EYA3: variants seen among roughly 807,000 people sequenced by gnomAD.
EYA3 encodes protein phosphatase EYA3.
Under a neutral mutation model 80.0 loss-of-function variants are expected in EYA3, and 39 were observed. That is an observed-to-expected ratio of 0.49 (90% CI 0.38 to 0.64). The LOEUF (loss-of-function observed/expected upper bound fraction) is 0.64, where lower values mean the gene tolerates loss of function less well. Among genes scored for constraint, EYA3 ranks in the 30% least tolerant of loss-of-function variants. The pLI, the probability that EYA3 is intolerant of heterozygous loss-of-function variation, is 0.00. For missense variants in EYA3, 523 were observed against 676.1 expected, an observed-to-expected ratio of 0.77 and a Z score of 2.51; for synonymous variants, 206 against 232.8, an observed-to-expected ratio of 0.88 and a Z score of 1.05.
intron 5 of EYA3, among the ~76,000 whole-genome samples, chr1:28,038,100 C>A (rs901671304): frequency 6.6e-6 from 1 of 152,072 alleles, no homozygotes; most frequent in African/African-American, 2.4e-5. Context: ...CCCACCAAAC[C>A]TGTCTAACTT....
intron 17 of EYA3, chr1:27,977,306 G>A (rs1638984586): frequency 6.5e-7 from 1 of 1,550,334 alleles, no homozygotes; most frequent in African/African-American, 1.4e-5. Context: ...AGTTGCTAAG[G>A]TTTCCACTTA....
intron 16 of EYA3, among the ~76,000 whole-genome samples, chr1:27,982,074 T>C (rs1471816518): frequency 6.6e-6 from 1 of 151,238 alleles, no homozygotes; most frequent in Non-Finnish European, 1.5e-5. Context: ...TGGCGTGATC[T>C]TGGCTCACTG....
chr1:28,010,532 A>C (rs932577269), intron 10 of EYA3, among the ~76,000 whole-genome samples: 4 of 152,072 alleles, frequency 2.6e-5, no homozygotes, highest in African/African-American at 9.7e-5. Context: ...GTGGGACTAC[A>C]GGTGTGCAGC....
chr1:28,049,752 T>C (rs537421065), intron 2 of EYA3, among the ~76,000 whole-genome samples: 2 of 152,278 alleles, frequency 1.3e-5, no homozygotes, highest in African/African-American at 4.8e-5. Flanking sequence ...CTGGAAACTA[T>C]AAGGCTAAAG....
At chr1:27,995,064 T>C (rs868395169) in intron 13 of EYA3, among the ~76,000 whole-genome samples, 1 of 151,838 alleles carries the variant, frequency 6.6e-6, no homozygotes, top group African/African-American at 2.4e-5. Context: ...AAAATAAAAT[T>C]TGTAACAGTG....
chr1:28,028,054 G>GC, intron 6 of EYA3, 128 bp from the exon 7 acceptor site: 1 of 978,564 alleles, frequency 1.0e-6, no homozygotes, highest in Non-Finnish European at 1.5e-6. Flanking sequence ...GCTTGTAAGA[G>GC]AAAATTATTG....
At chr1:27,997,258 TAGAC>T in intron 13 of EYA3, 58 bp downstream of exon 13, 1 of 1,455,682 alleles carries the variant, frequency 6.9e-7, no homozygotes, top group East Asian at 2.3e-5. Flanking sequence ...CCTCCAAACC[TAGAC>T]AGACAGATCT....
chr1:28,085,279 T>C (rs748530631), intron 1 of EYA3, among the ~76,000 whole-genome samples: 4 of 152,080 alleles, frequency 2.6e-5, no homozygotes, highest in Non-Finnish European at 5.9e-5. Context: ...GGTGAAACTC[T>C]GCCTCTCCAA....
chr1:28,038,361 G>A (rs1386907726), intron 5 of EYA3, among the ~76,000 whole-genome samples: 4 of 151,060 alleles, frequency 2.6e-5, no homozygotes, highest in African/African-American at 4.9e-5. Context: ...ACTTGAACCC[G>A]GGAGGTGGAG....
At chr1:28,068,270 T>C (rs1438409091) in intron 1 of EYA3, among the ~76,000 whole-genome samples, 1 of 150,898 alleles carries the variant, frequency 6.6e-6, no homozygotes, top group Non-Finnish European at 1.5e-5. Context: ...AGGTGGAGAT[T>C]GCAGTGAGCC....
In EYA3 at chr1:27,974,290, G is replaced by A. The variant is rs924318157; in HGVS notation, c.*176C>T. 4 of 444,538 alleles carry A rather than the reference G, an allele frequency of 9.0e-6. 1 individual carries two copies. The South Asian group carries it at 9.2e-5, about 10-fold the overall frequency. The allele number at this position is 444,538 out of a possible 1,614,324, so 27.5% of individuals were successfully genotyped here. On this transcript the variant is annotated 3_prime_UTR_variant, in exon 18 of 18. Transcript: ENST00000373871. Reference sequence around the variant, plus strand: ...GAGAGAGAGAGAGAGAGGCAGAGAGGGAGGGAGAGAGGAAGGGAGGGAGGG... The same window carrying A: ...GAGAGAGAGAGAGAGAGGCAGAGAGAGAGGGAGAGAGGAAGGGAGGGAGGG...
intron 2 of EYA3, among the ~76,000 whole-genome samples, chr1:28,051,967 A>AC (rs1219166709): frequency 6.6e-6 from 1 of 151,886 alleles, no homozygotes; most frequent in Admixed American, 6.6e-5. Flanking sequence ...TTGAAAAAAA[A>AC]AAAAAAGAAC....
At chr1:28,076,741 T>C (rs1305874376) in intron 1 of EYA3, among the ~76,000 whole-genome samples, 5 of 145,984 alleles carry the variant, frequency 3.4e-5, no homozygotes, top group East Asian at 2.0e-4. Flanking sequence ...TAATTTCTTT[T>C]TTTTTTTTTT....
chr1:27,974,365 C>G lies in EYA3; in HGVS notation c.*101G>C. The G allele has an allele frequency of 2.6e-6, 2 of 772,278 alleles. No individual in the cohort carries two copies. Among genetic ancestry groups the G allele is most frequent in the East Asian group, 2.6e-5 (1 of 38,302 alleles). The allele number at this position is 772,278 out of a possible 1,614,324, so 47.8% of individuals were successfully genotyped here. A position where few individuals can be genotyped will look rare whatever the true frequency, so the allele number is the denominator to read the frequency against. On this transcript the variant is annotated 3_prime_UTR_variant, in exon 18 of 18. Coordinates refer to ENST00000373871, the MANE Select transcript of EYA3 (RefSeq NM_001990.4). ...AAAGAGAGAGAGATAGAGACAGAGA[C>G]ACAGAGAGAGACAGACAGAGAAAGT...
At chr1:27,987,324 C>T (rs1639725622) in intron 16 of EYA3, among the ~76,000 whole-genome samples, 1 of 152,226 alleles carries the variant, frequency 6.6e-6, no homozygotes, top group Admixed American at 6.5e-5. Context: ...TAATATTTCA[C>T]TGTACGTGTA....
At chr1:28,057,003 AT>A (rs2148896814) in intron 2 of EYA3, among the ~76,000 whole-genome samples, 1 of 152,278 alleles carries the variant, frequency 6.6e-6, no homozygotes, top group South Asian at 2.1e-4. Flanking sequence ...CCCACCAGGG[AT>A]AGGGATCACA....
intron 1 of EYA3, among the ~76,000 whole-genome samples, chr1:28,074,428 G>A (rs1409116035): frequency 6.6e-6 from 1 of 151,938 alleles, no homozygotes; most frequent in South Asian, 2.1e-4. Context: ...TTCTGTTAGG[G>A]CAAACCAAGT....
Position 28,027,780 on chromosome 1 carries a change from C to T in EYA3, c.499+9G>A. 6.2e-7 allele frequency: 1 copy of T among 1,613,688 alleles called. No homozygotes were observed. Among genetic ancestry groups the T allele is most frequent in the Non-Finnish European group, 8.5e-7 (1 of 1,179,746 alleles). ...ATTTTAAAACACACACACAACCATG[C>T]CTATTTACCTTGAATGGGATAAGAA... On this transcript the variant is annotated intron_variant, in intron 7 of 17. Coordinates refer to ENST00000373871, the MANE Select transcript of EYA3 (RefSeq NM_001990.4).
intron 14 of EYA3, 38 bp from the exon 15 acceptor site, chr1:27,989,849 A>G (rs1023058096): frequency 7.3e-7 from 1 of 1,376,350 alleles, no homozygotes; most frequent in South Asian, 1.3e-5. Context: ...TCATTTGACA[A>G]CATATATTTG....
Sources: allele counts gnomAD v4.1 joint callset (sites outside exome capture counted in the v4.1 genomes callset), GRCh38; gene constraint gnomAD v4.1.1; transcripts MANE v1.5; gene names NCBI Gene and HGNC (gene_info 2026-07-23, HGNC 2026-07-21).